The following SCMH1 variants were observed in gnomAD, a reference collection of about 807,000 sequenced individuals.
SCMH1 encodes the protein polycomb protein SCMH1.
In SCMH1, 37 loss-of-function variants were observed where a neutral mutation model predicts 70.8. The observed-to-expected ratio is 0.52, with a 90% CI of 0.40 to 0.69. The LOEUF (loss-of-function observed/expected upper bound fraction) is 0.69, where lower values mean the gene tolerates loss of function less well. Ranked by LOEUF, SCMH1 falls within the 30% of genes least tolerant of loss-of-function variation. SCMH1 has a pLI of 0.00. For missense variants in SCMH1, 607 were observed against 827.3 expected (o/e 0.73, Z 3.27); for synonymous variants, 292 against 307.4 (o/e 0.95, Z 0.52).
At chr1:41,193,742 G>A (rs1358515255) in intron 1 of SCMH1, among the ~76,000 whole-genome samples, 1 of 152,120 alleles carries the variant, frequency 6.6e-6, no homozygotes, top group Non-Finnish European at 1.5e-5. Context: ...ATGAGCTGAG[G>A]CTAGAAAAGT....
rs370710006 is a variant in SCMH1, at chr1:41,038,541, G to T, written c.1499-1000C>A. Among the ~76,000 whole-genome samples, 7 of 152,300 alleles carry T rather than the reference G, an allele frequency of 4.6e-5. No homozygotes were observed. The East Asian group carries it at 1.2e-3, about 25-fold the overall frequency. The stretch of plus-strand genomic sequence containing the variant: ...AGCACATGGTTTGGCACACAGTAAG[G>T]CCTCAATGTTAAGATGGTTTAGGAT... On this transcript the variant is annotated intron_variant, in intron 12 of 14. Coordinates refer to ENST00000337495, the Ensembl canonical transcript of SCMH1.
intron 2 of SCMH1, among the ~76,000 whole-genome samples, chr1:41,168,459 T>G (rs542644884): frequency 6.6e-6 from 1 of 152,256 alleles, no homozygotes; most frequent in Non-Finnish European, 1.5e-5. Context: ...GTTACAGTAT[T>G]TTTCACATCT....
At chr1:41,215,151 T>C (rs371743552) in intron 1 of SCMH1, among the ~76,000 whole-genome samples, 3 of 152,288 alleles carry the variant, frequency 2.0e-5, no homozygotes, top group East Asian at 1.9e-4. Context: ...GGTGGCTGAA[T>C]TGGGATTTGA....
intron 8 of SCMH1, among the ~76,000 whole-genome samples, chr1:41,095,552 ACCT>A (rs1664843011): frequency 6.6e-6 from 1 of 152,104 alleles, no homozygotes; most frequent in Non-Finnish European, 1.5e-5. Context: ...GACAGTGCTG[ACCT>A]CCTACCTCCT....
chr1:41,070,378 G>C (rs1283465386), intron 10 of SCMH1, among the ~76,000 whole-genome samples: 1 of 152,182 alleles, frequency 6.6e-6, no homozygotes, highest in African/African-American at 2.4e-5. Flanking sequence ...GGAGCTCTTG[G>C]TGCTATCCCT....
At chr1:41,177,788 G>A (rs1265306392) in intron 2 of SCMH1, among the ~76,000 whole-genome samples, 1 of 152,200 alleles carries the variant, frequency 6.6e-6, no homozygotes, top group Non-Finnish European at 1.5e-5. Flanking sequence ...GTGATGGGGA[G>A]AATGGAACCA....
intron 2 of SCMH1, among the ~76,000 whole-genome samples, chr1:41,172,598 C>G (rs10889870): frequency 2.0e-5 from 3 of 151,750 alleles, no homozygotes; most frequent in African/African-American, 4.8e-5. Context: ...AAAATTTGTA[C>G]GGAACCATTA....
intron 11 of SCMH1, among the ~76,000 whole-genome samples, chr1:41,047,483 G>T (rs953681903): frequency 7.2e-6 from 1 of 138,890 alleles, no homozygotes; most frequent in African/African-American, 2.7e-5. Context: ...TGCAACCTCC[G>T]CCTCCCAGGT....
chr1:41,110,001 T>C (rs1668861714), intron 8 of SCMH1, among the ~76,000 whole-genome samples: 1 of 152,168 alleles, frequency 6.6e-6, no homozygotes, highest in Admixed American at 6.5e-5. Flanking sequence ...TAGCCTCAAG[T>C]AACAAAAATG....
At chr1:41,165,306 A>G (rs1355999836) in intron 2 of SCMH1, among the ~76,000 whole-genome samples, 3 of 152,068 alleles carry the variant, frequency 2.0e-5, no homozygotes, top group South Asian at 2.1e-4. Context: ...AGTTATTCCC[A>G]TATCTTGGCT....
chr1:41,035,559 G>A (rs1645174267), intron 13 of SCMH1, among the ~76,000 whole-genome samples: 1 of 152,078 alleles, frequency 6.6e-6, no homozygotes, highest in African/African-American at 2.4e-5. Flanking sequence ...TCTATTCACT[G>A]ATGGACACAC....
At chr1:41,150,427 C>T (rs1439573219) in intron 5 of SCMH1, among the ~76,000 whole-genome samples, 3 of 151,952 alleles carry the variant, frequency 2.0e-5, no homozygotes, top group South Asian at 4.2e-4. Flanking sequence ...CACCTGAAGC[C>T]GGGAGGCAGA....
At chr1:41,130,481 T>G (rs1221107812) in intron 6 of SCMH1, among the ~76,000 whole-genome samples, 1 of 152,160 alleles carries the variant, frequency 6.6e-6, no homozygotes, top group African/African-American at 2.4e-5. Context: ...AAGAGTTTTA[T>G]GGATTTAGAC....
intron 8 of SCMH1, among the ~76,000 whole-genome samples, chr1:41,107,282 C>T (rs1668188336): frequency 6.6e-6 from 1 of 151,850 alleles, no homozygotes; most frequent in African/African-American, 2.4e-5. Context: ...TACTTTATTC[C>T]TCCAAAGTCG....
intron 2 of SCMH1, among the ~76,000 whole-genome samples, chr1:41,170,814 A>G (rs1646738168): frequency 6.6e-6 from 1 of 152,108 alleles, no homozygotes; most frequent in Non-Finnish European, 1.5e-5. Flanking sequence ...CTATCTCCTC[A>G]TTCAAATAGG....
intron 2 of SCMH1, among the ~76,000 whole-genome samples, chr1:41,181,675 C>G (rs1648811075): frequency 6.6e-6 from 1 of 152,132 alleles, no homozygotes; most frequent in Non-Finnish European, 1.5e-5. Flanking sequence ...GTTAGAATAG[C>G]AATCATTAAA....
chr1:41,147,515 C>T (rs914358223), intron 5 of SCMH1, among the ~76,000 whole-genome samples: 5 of 152,120 alleles, frequency 3.3e-5, no homozygotes, highest in Non-Finnish European at 7.4e-5. Flanking sequence ...TGTGTATCTA[C>T]ATATGTTGGA....
At chr1:41,164,923 C>T (rs570601184) in intron 2 of SCMH1, among the ~76,000 whole-genome samples, 20 of 152,138 alleles carry the variant, frequency 1.3e-4, no homozygotes, top group South Asian at 6.2e-4. Flanking sequence ...TTAGCTATTT[C>T]GAAATACATA....
chr1:41,192,445 A>G (rs1311338917), intron 1 of SCMH1, among the ~76,000 whole-genome samples: 3 of 151,924 alleles, frequency 2.0e-5, no homozygotes, highest in Non-Finnish European at 2.9e-5. Context: ...AGCAAAATAA[A>G]GACAATAATA....
Sources: allele counts gnomAD v4.1 joint callset (sites outside exome capture counted in the v4.1 genomes callset), GRCh38; gene constraint gnomAD v4.1.1; transcripts MANE v1.5; gene names NCBI Gene and HGNC (gene_info 2026-07-23, HGNC 2026-07-21).